The following ZNF609 variants were observed in gnomAD, a reference collection of about 807,000 sequenced individuals.
ZNF609 encodes zinc finger protein 609.
A neutral mutation model predicts 109.5 loss-of-function variants in ZNF609; 11 were observed. The observed-to-expected ratio is 0.10, with a 90% CI of 0.06 to 0.17. The LOEUF (loss-of-function observed/expected upper bound fraction) is 0.17, where lower values mean the gene tolerates loss of function less well. Ranked by LOEUF, ZNF609 falls within the 10% of genes least tolerant of loss-of-function variation. The pLI, the probability that ZNF609 is intolerant of heterozygous loss-of-function variation, is 1.00. For missense variants in ZNF609, 1,559 were observed against 1,772.4 expected, an observed-to-expected ratio of 0.88 and a Z score of 2.16; for synonymous variants, 646 against 662.0, an observed-to-expected ratio of 0.98 and a Z score of 0.37.
At chr15:64,463,196 A>G (rs528965114) in intron 1 of ZNF609, among the ~76,000 whole-genome samples, 48 of 152,198 alleles carry the variant, frequency 3.2e-4, no homozygotes, top group African/African-American at 1.1e-3. Flanking sequence ...GGAGTTCGAG[A>G]CCAGCTTGGG....
chr15:64,591,045 C>A (rs1252128606), intron 2 of ZNF609, among the ~76,000 whole-genome samples: 1 of 152,066 alleles, frequency 6.6e-6, no homozygotes, highest in African/African-American at 2.4e-5. Context: ...TATCGAAAAG[C>A]CTTAAAGGCC....
rs566385604 is a variant in ZNF609, at chr15:64,559,402, A to G, written c.747+59236A>G. Among the ~76,000 whole-genome samples, 8 of 152,336 alleles carry G rather than the reference A, an allele frequency of 5.3e-5. No individual in the cohort carries two copies. In the South Asian group the frequency reaches 1.4e-3, roughly 28 times the overall value. On this transcript the variant is annotated intron_variant, in intron 2 of 9. Transcript: ENST00000326648. ...GCCTGATGGCAGCAACCAAGGGGAA[A>G]GGAAGATTGGCTGAGCCCCTGGGGT...
chr15:64,460,953 C>T (rs1380982499), intron 1 of ZNF609, 115 bp downstream of exon 1: 1 of 85,684 alleles, frequency 1.2e-5, no homozygotes, highest in Non-Finnish European at 2.2e-5. Context: ...CGCTGCCTGA[C>T]GGAGGAAGTG....
Position 64,499,309 on chromosome 15 carries a change from T to TGG in ZNF609, c.-109_-108dup. ...TTTTTCCAGCAATGATGTTGTCCAC[T>TGG]GGGCATGTACTGACCAATGTGGCAG... is the stretch of plus-strand genomic sequence containing the variant. On this transcript the variant is annotated 5_prime_UTR_variant, in exon 2 of 10. An upstream open reading frame in the 5' UTR gains an earlier in-frame stop. Coordinates refer to ENST00000326648, the MANE Select transcript of ZNF609 (RefSeq NM_015042.2). 7.3e-7 allele frequency: 1 copy of TGG among 1,371,996 alleles called. No individual in the cohort carries two copies. The highest frequency in any genetic ancestry group is 9.8e-7 in the Non-Finnish European group (1 of 1,015,922). 85.0% of individuals were successfully genotyped at this position (1,371,996 alleles called of 1,614,324 possible).
At position 64,675,518 on chromosome 15, in the gene ZNF609, C is replaced by G. The variant is rs1337182077; in HGVS notation, c.2664C>G (p.Asp888Glu). The change falls in exon 5 of 10, where the codon GAC becomes GAG. Residue 888 changes from aspartate to glutamate, a missense_variant. Physicochemically the swap from Asp to Glu is conservative, Grantham distance 45. This residue lies in a region of ZNF609 where 1,204 missense variants were observed against 1,314.1 expected (regional missense o/e 0.92). Transcript: ENST00000326648. ...TLFPPQPQSKDSPYYQGFESY... is the reference protein window; with the variant it reads ...TLFPPQPQSKESPYYQGFESY... ...TTCCCCCTCAGCCTCAGAGCAAAGACTCACCATATTACCAAGGCTTTGAGA... is the reference window on the plus strand; with the variant it reads ...TTCCCCCTCAGCCTCAGAGCAAAGAGTCACCATATTACCAAGGCTTTGAGA... 1 of 1,614,090 alleles carries G rather than the reference C, an allele frequency of 6.2e-7. No individual in the cohort carries two copies. Among genetic ancestry groups the G allele is most frequent in the Non-Finnish European group, 8.5e-7 (1 of 1,180,050 alleles).
chr15:64,616,897 C>G (rs896275625), intron 2 of ZNF609, among the ~76,000 whole-genome samples: 3 of 148,868 alleles, frequency 2.0e-5, no homozygotes, highest in African/African-American at 7.4e-5. Flanking sequence ...CAACCTCCAC[C>G]TCCCGGGTTC....
At chr15:64,557,681 T>C (rs779086228) in intron 2 of ZNF609, among the ~76,000 whole-genome samples, 2 of 152,084 alleles carry the variant, frequency 1.3e-5, no homozygotes, top group Admixed American at 1.3e-4. Flanking sequence ...TGAATACTGT[T>C]AGTGGTATAT....
In ZNF609 at chr15:64,530,485, C is replaced by T. The variant is rs113169852; in HGVS notation, c.747+30319C>T. Reference sequence around the variant, plus strand: ...TCACGGCTACAATATATTGAACATACATTATTTGCTAATCACTGTGCTAAG... The same window carrying T: ...TCACGGCTACAATATATTGAACATATATTATTTGCTAATCACTGTGCTAAG... On this transcript the variant is annotated intron_variant, in intron 2 of 9. Transcript: ENST00000326648. Among the ~76,000 whole-genome samples, 1,401 of 152,276 alleles carry T rather than the reference C, an allele frequency of 9.2e-3. 18 individuals are homozygous for T. Among genetic ancestry groups the T allele is most frequent in the African/African-American group, 0.032 (1,325 of 41,552 alleles).
intron 2 of ZNF609, among the ~76,000 whole-genome samples, chr15:64,503,572 A>T (rs1011316944): frequency 3.9e-5 from 6 of 152,340 alleles, no homozygotes; most frequent in South Asian, 2.1e-4. Flanking sequence ...TGACTTTGTC[A>T]GGGCTTACGA....
At chr15:64,573,342 C>CTTTA in intron 2 of ZNF609, among the ~76,000 whole-genome samples, 1 of 53,716 alleles carries the variant, frequency 1.9e-5, no homozygotes, top group Non-Finnish European at 4.0e-5. Context: ...AGTGGCCCAA[C>CTTTA]TTTCTTTTTT....
intron 1 of ZNF609, among the ~76,000 whole-genome samples, chr15:64,488,184 C>A (rs1893358678): frequency 6.6e-6 from 1 of 151,748 alleles, no homozygotes; most frequent in Non-Finnish European, 1.5e-5. Context: ...AATCTGAATT[C>A]TTTTTTCTGG....
At chr15:64,578,524 C>G (rs979955206) in intron 2 of ZNF609, among the ~76,000 whole-genome samples, 1 of 152,070 alleles carries the variant, frequency 6.6e-6, no homozygotes, top group Non-Finnish European at 1.5e-5. Context: ...GAATCCCCGT[C>G]TCTACTAAAA....
chr15:64,658,096 C>CTA (rs1567041112), intron 3 of ZNF609, among the ~76,000 whole-genome samples: 10 of 152,300 alleles, frequency 6.6e-5, no homozygotes, highest in Admixed American at 5.2e-4. Flanking sequence ...GTTAACTTCT[C>CTA]TATAAAGAGG....
chr15:64,473,252 C>T (rs968904651), intron 1 of ZNF609, among the ~76,000 whole-genome samples: 21 of 131,920 alleles, frequency 1.6e-4, no homozygotes, highest in African/African-American at 6.0e-4. Context: ...AGGCTGGAGT[C>T]CAGTGGTGTG....
intron 4 of ZNF609, among the ~76,000 whole-genome samples, chr15:64,672,251 A>T (rs1252205212): frequency 2.0e-5 from 3 of 148,322 alleles, no homozygotes; most frequent in African/African-American, 4.9e-5. Context: ...TGACCTCGTG[A>T]TCCTCCCGCC....
At chr15:64,542,110 C>T (rs1239226394) in intron 2 of ZNF609, among the ~76,000 whole-genome samples, 1 of 151,864 alleles carries the variant, frequency 6.6e-6, no homozygotes, top group East Asian at 1.9e-4. Flanking sequence ...ATAGGGAGAC[C>T]CCCATCTCTC....
At chr15:64,500,371 C>G (rs1437002518) in intron 2 of ZNF609, 1 of 782,950 alleles carries the variant, frequency 1.3e-6, no homozygotes, top group Admixed American at 2.0e-5. Flanking sequence ...CAGGCCTGGA[C>G]ATTGTGGAAC....
At chr15:64,479,155 A>G (rs1297575608) in intron 1 of ZNF609, among the ~76,000 whole-genome samples, 1 of 151,954 alleles carries the variant, frequency 6.6e-6, no homozygotes, top group Admixed American at 6.6e-5. Context: ...ATCTGGCAAT[A>G]TTATTTTTCT....
intron 1 of ZNF609, among the ~76,000 whole-genome samples, chr15:64,474,616 A>T (rs1025196328): frequency 6.6e-6 from 1 of 152,068 alleles, no homozygotes; most frequent in South Asian, 2.1e-4. Flanking sequence ...GCTGTATTAT[A>T]ATTTTTATTT....
Sources: allele counts gnomAD v4.1 joint callset (sites outside exome capture counted in the v4.1 genomes callset), GRCh38; gene constraint gnomAD v4.1.1; regional missense constraint gnomAD v4.1.1; transcripts MANE v1.5; gene names NCBI Gene and HGNC (gene_info 2026-07-23, HGNC 2026-07-21).